Variants in DRC3 observed in about 807,000 individuals in gnomAD.
DRC3 encodes dynein regulatory complex subunit 3.
In DRC3, 45 loss-of-function variants were observed where a neutral mutation model predicts 57.6. That is an observed-to-expected ratio of 0.78 (90% CI 0.62 to 1.00). DRC3 has a LOEUF of 1.00. DRC3 is among the 50% of genes least tolerant of loss of function. DRC3 has a pLI of 0.00. For synonymous variants in DRC3, 257 were observed against 272.3 expected, an observed-to-expected ratio of 0.94 and a Z score of 0.55; for missense variants, 655 against 675.2, an observed-to-expected ratio of 0.97 and a Z score of 0.33.
rs778159280 is a variant in DRC3 at position 17,992,772 on chromosome 17, A to G, written c.452A>G (p.Tyr151Cys). The G allele has an allele frequency of 4.3e-6, 7 of 1,613,196 alleles. No homozygotes were observed. The highest frequency in any genetic ancestry group is 2.7e-5 in the African/African-American group (2 of 74,844). The change falls in exon 6 of 14, where the codon TAC becomes TGC. Residue 151 changes from tyrosine to cysteine, a missense_variant. By Grantham distance (194) the Tyr-to-Cys change is radical (BLOSUM62 -2). Coordinates refer to ENST00000399187, the MANE Select transcript of DRC3 (RefSeq NM_031294.4). ...CTCCCTTTTTCTCCCCAGATCATCT[A>G]CCTCCGGCGGTTCAAGTGCCTGCGG... is the stretch of plus-strand genomic sequence containing the variant. ...NRIDNMMNII[Y>C]LRRFKCLRTL...
intron 10 of DRC3, chr17:18,005,912 G>T (rs2043931442): frequency 2.2e-6 from 1 of 446,128 alleles, no homozygotes; most frequent in South Asian, 2.5e-5. Context: ...GCAGGTAAGG[G>T]GAGTAAGACC....
intron 3 of DRC3, 91 bp from the exon 4 acceptor site, chr17:17,983,737 C>T: frequency 1.2e-6 from 1 of 851,550 alleles, no homozygotes; most frequent in South Asian, 1.5e-5. Flanking sequence ...AGTTCTAGGT[C>T]CCTTTTGTGT....
At chr17:18,006,990 T>C (rs756853272) in intron 11 of DRC3, 34 bp from the exon 12 acceptor site, 3 of 1,610,680 alleles carry the variant, frequency 1.9e-6, no homozygotes, top group African/African-American at 2.7e-5. Flanking sequence ...CCGGGCCTGC[T>C]CCTCCCGGGC....
intron 12 of DRC3, chr17:18,007,529 TG>T (rs906655469): frequency 2.4e-5 from 37 of 1,534,830 alleles, no homozygotes; most frequent in Non-Finnish European, 3.2e-5. Flanking sequence ...ATGAGTACTG[TG>T]GGGGTGTTGG....
Position 18,007,029 on chromosome 17 carries a change from C to T in DRC3, c.1208C>T (p.Ala403Val). 1 of 1,612,412 alleles carries T rather than the reference C, an allele frequency of 6.2e-7. No individual in the cohort carries two copies. The highest frequency in any genetic ancestry group is 8.5e-7 in the Non-Finnish European group (1 of 1,179,056). The change falls in exon 12 of 14, where the codon GCT becomes GTT. Residue 403 changes from alanine (A) to valine (V), a missense_variant. Ala to Val is a moderately conservative substitution (Grantham distance 64, BLOSUM62 0). Coordinates refer to ENST00000399187, the MANE Select transcript of DRC3 (RefSeq NM_031294.4). Reference sequence around the variant, plus strand: ...TGCTTAACTCGGGGCTGCACGATGGCTCAGTGCCGGGACCTGGAGAATCAC... The same window carrying T: ...TGCTTAACTCGGGGCTGCACGATGGTTCAGTGCCGGGACCTGGAGAATCAC... ...LFIENVQSLM[A>V]QCRDLENHHH...
chr17:17,994,140 C>T, intron 6 of DRC3, 159 bp from the exon 7 acceptor site: 2 of 915,992 alleles, frequency 2.2e-6, no homozygotes, highest in South Asian at 1.7e-5. Flanking sequence ...TGGGCATTCT[C>T]ATCCACGAGA....
At chr17:17,973,994 A>G (rs1397719734) in intron 2 of DRC3, 32 bp downstream of exon 2, 1 of 152,256 alleles carries the variant, frequency 6.6e-6, no homozygotes, top group African/African-American at 2.4e-5. Context: ...TTGGGTGGTA[A>G]ACTATAAGAT....
At position 18,007,028 on chromosome 17, in the gene DRC3, G is replaced by A; in HGVS notation, c.1207G>A (p.Ala403Thr). 1 of 1,612,804 alleles carries A rather than the reference G, an allele frequency of 6.2e-7. No individual in the cohort carries two copies. The highest frequency in any genetic ancestry group is 1.7e-4 in the Middle Eastern group (1 of 6,058). ...LFIENVQSLM[A>T]QCRDLENHHH... ...TTGCTTAACTCGGGGCTGCACGATG[G>A]CTCAGTGCCGGGACCTGGAGAATCA... is the stretch of plus-strand genomic sequence containing the variant. The change falls in exon 12 of 14, where the codon GCT becomes ACT. Residue 403 changes from alanine (A) to threonine (T), a missense_variant. Physicochemically the swap from Ala to Thr is moderately conservative, Grantham distance 58 (BLOSUM62 0). Coordinates refer to ENST00000399187, the MANE Select transcript of DRC3 (RefSeq NM_031294.4).
At position 18,006,036 on chromosome 17, in the gene DRC3, A is replaced by G. The variant is rs550342009; in HGVS notation, c.1132-147A>G. On this transcript the variant is annotated intron_variant, in intron 10 of 13. Transcript: ENST00000399187. Reference sequence around the variant, plus strand: ...GAGAGAGCAGAGGGGTCAGTTCACAACCATCTGCTCAGGAGGGTCAAGATG... The same window carrying G: ...GAGAGAGCAGAGGGGTCAGTTCACAGCCATCTGCTCAGGAGGGTCAAGATG... The G allele has an allele frequency of 4.6e-6, 3 of 656,544 alleles. No individual in the cohort carries two copies. The East Asian group carries it at 8.2e-5, about 18-fold the overall frequency. The allele number at this position is 656,544 out of a possible 1,614,324, so 40.7% of individuals were successfully genotyped here. A position where few individuals can be genotyped will look rare whatever the true frequency, so the allele number is the denominator to read the frequency against.
At position 18,006,260 on chromosome 17, in the gene DRC3, T is replaced by C; in HGVS notation, c.1202+7T>C. Reference sequence around the variant, plus strand: ...TCGAAAATGTCCAAAGCCTATATCCTTTCTGTGATGACCTTCCCCATGGGG... The same window carrying C: ...TCGAAAATGTCCAAAGCCTATATCCCTTCTGTGATGACCTTCCCCATGGGG... On this transcript the variant is annotated splice_region_variant and intron_variant, in intron 11 of 13. Transcript: ENST00000399187. The C allele has an allele frequency of 6.2e-7, 1 of 1,603,892 alleles. No homozygotes were observed. The highest frequency in any genetic ancestry group is 8.5e-7 in the Non-Finnish European group (1 of 1,172,162).
At chr17:18,007,890 T>A in intron 12 of DRC3, 1 of 1,001,104 alleles carries the variant, frequency 1.0e-6, no homozygotes. Context: ...ACCATCGTCC[T>A]TGGCCTGGAC....
intron 9 of DRC3, among the ~76,000 whole-genome samples, chr17:17,998,764 A>G (rs1337226294): frequency 6.6e-6 from 1 of 152,180 alleles, no homozygotes; most frequent in African/African-American, 2.4e-5. Context: ...CCTCCTTGTT[A>G]TATTTTAGGG....
chr17:18,005,083 G>C (rs2043898710), intron 10 of DRC3: 1 of 152,910 alleles, frequency 6.5e-6, no homozygotes, highest in Non-Finnish European at 1.5e-5. Context: ...CCTCAGACAT[G>C]GGATAGATTT....
At chr17:17,974,642 A>G (rs2042302327) in intron 2 of DRC3, among the ~76,000 whole-genome samples, 1 of 152,166 alleles carries the variant, frequency 6.6e-6, no homozygotes, top group Admixed American at 6.5e-5. Flanking sequence ...CCAAAGTGCA[A>G]CAAGTCTGTT....
At chr17:18,005,745 C>T (rs559083754) in intron 10 of DRC3, 12 of 173,562 alleles carry the variant, frequency 6.9e-5, no homozygotes, top group Non-Finnish European at 1.2e-4. Context: ...GGTGAAATGC[C>T]TTTCCCAGAG....
At chr17:18,000,710 C>G (rs2043693775) in intron 9 of DRC3, among the ~76,000 whole-genome samples, 1 of 152,164 alleles carries the variant, frequency 6.6e-6, no homozygotes, top group African/African-American at 2.4e-5. Context: ...GCCAGTGTCA[C>G]AGGCTTCCTC....
intron 5 of DRC3, among the ~76,000 whole-genome samples, chr17:17,990,547 T>A (rs990365440): frequency 6.6e-6 from 1 of 152,262 alleles, no homozygotes; most frequent in African/African-American, 2.4e-5. Context: ...CTTCTGCGGC[T>A]GGCTCCCTCA....
rs1412092481 is a variant in DRC3 at position 18,008,109 on chromosome 17, C to T, written c.1326+962C>T. 6.6e-6 allele frequency among the ~76,000 whole-genome samples: 1 copy of T among 152,212 alleles called. No individual in the cohort carries two copies. The highest frequency in any genetic ancestry group is 2.4e-5 in the African/African-American group (1 of 41,448). The stretch of plus-strand genomic sequence containing the variant: ...GATTCCCACCCCCAGAACCCTCACT[C>T]CTGATGCTCAGCGGCAGCCTCTGAG... On this transcript the variant is annotated intron_variant, in intron 12 of 13. Transcript: ENST00000399187. This position sits in a 1 kb window ranked among gnomAD's most constrained non-coding sequence, Gnocchi z 4.3.
chr17:17,994,637 T>C (rs1054397147), intron 7 of DRC3, among the ~76,000 whole-genome samples: 9 of 152,184 alleles, frequency 5.9e-5, no homozygotes, highest in Non-Finnish European at 1.5e-5. Context: ...CTTACTGGCA[T>C]TCCTGCCTCC....
Sources: allele counts gnomAD v4.1 joint callset (sites outside exome capture counted in the v4.1 genomes callset), GRCh38; gene constraint gnomAD v4.1.1; non-coding constraint Gnocchi (gnomAD v3.1); transcripts MANE v1.5; gene names NCBI Gene and HGNC (gene_info 2026-07-23, HGNC 2026-07-21).